CHL1: variants seen among roughly 807,000 people sequenced by gnomAD.
CHL1 encodes the protein cell adhesion molecule L1 like.
Under a neutral mutation model 141.9 loss-of-function variants are expected in CHL1, and 96 were observed. The observed-to-expected ratio is 0.68, with a 90% CI of 0.57 to 0.80. The LOEUF (loss-of-function observed/expected upper bound fraction) is 0.80. Among genes scored for constraint, CHL1 ranks in the 30% least tolerant of loss-of-function variants. The pLI, the probability that CHL1 is intolerant of heterozygous loss-of-function variation, is 0.00. For synonymous variants in CHL1, 613 were observed against 502.2 expected (o/e 1.22, Z -2.95); for missense variants, 1,820 against 1,457.2 (o/e 1.25, Z -4.05).
intron 2 of CHL1, among the ~76,000 whole-genome samples, chr3:274,722 G>A (rs11926288): frequency 0.026 from 4,021 of 152,296 alleles, 175 homozygotes; most frequent in African/African-American, 0.089. Context: ...GTCATCTACA[G>A]TTGGATAACT....
intron 2 of CHL1, among the ~76,000 whole-genome samples, chr3:255,979 C>A (rs1162132209): frequency 6.6e-6 from 1 of 152,218 alleles, no homozygotes; most frequent in Non-Finnish European, 1.5e-5. Context: ...TACTTCCACA[C>A]TTTCAACTTT....
rs925877053 is a variant in CHL1 at position 360,352 on chromosome 3, A to G, written c.1234A>G (p.Thr412Ala). 2.5e-6 allele frequency: 4 copies of G among 1,613,674 alleles called. No individual in the cohort carries two copies. The African/African-American group carries it at 5.3e-5, about 22-fold the overall frequency. The change falls in exon 12 of 28, where the codon ACT (threonine) becomes GCT (alanine). Residue 412 changes from threonine (T) to alanine (A), a missense_variant. Transcript: ENST00000256509. ...TTTTACCAACCTTCAACCAAATCAT[A>G]CTGCTGTGTACCAGTGTGAAGCCTC... is the stretch of plus-strand genomic sequence containing the variant. ...ISFTNLQPNH[T>A]AVYQCEASNV...
intron 23 of CHL1, among the ~76,000 whole-genome samples, chr3:393,103 G>T (rs11710157): frequency 0.87 from 131,665 of 151,840 alleles, 59,505 homozygotes; most frequent in East Asian, 1. Context: ...CGTGGTGGTG[G>T]GCCCCTGTAG....
intron 2 of CHL1, among the ~76,000 whole-genome samples, chr3:312,787 G>A (rs1190952179): frequency 6.6e-6 from 1 of 152,146 alleles, no homozygotes; most frequent in Non-Finnish European, 1.5e-5. Flanking sequence ...TTATCATGGA[G>A]AGAAAAGAAA....
At chr3:207,023 G>A (rs899284889) in intron 1 of CHL1, among the ~76,000 whole-genome samples, 1 of 152,104 alleles carries the variant, frequency 6.6e-6, no homozygotes, top group Admixed American at 6.5e-5. Context: ...AAATGACACC[G>A]ATCATAATGA....
At chr3:346,798 C>T (rs946807615) in intron 9 of CHL1, among the ~76,000 whole-genome samples, 7 of 152,050 alleles carry the variant, frequency 4.6e-5, no homozygotes, top group Non-Finnish European at 8.8e-5. Flanking sequence ...AAAACTCTTT[C>T]TAAGAAGTTT....
At position 221,011 on chromosome 3, in the gene CHL1, G is replaced by A. The variant is rs556449802; in HGVS notation, c.-174-23602G>A. ...CTTAACCAAGACACTCCCTTCTATC[G>A]ATTCCAGGTCTTTAGATAAACTCCT... On this transcript the variant is annotated intron_variant, in intron 1 of 27. Coordinates refer to ENST00000256509, the MANE Select transcript of CHL1 (RefSeq NM_006614.4). 4.6e-5 allele frequency among the ~76,000 whole-genome samples: 7 copies of A among 152,156 alleles called. No homozygotes were observed. The South Asian group carries it at 1.5e-3, about 32-fold the overall frequency.
chr3:358,975 A>G (rs1045928076), intron 11 of CHL1, among the ~76,000 whole-genome samples: 3 of 146,680 alleles, frequency 2.0e-5, no homozygotes, highest in African/African-American at 7.4e-5. Flanking sequence ...AATATATGTT[A>G]TATATATATA....
intron 2 of CHL1, among the ~76,000 whole-genome samples, chr3:311,938 C>A (rs1699784920): frequency 6.6e-6 from 1 of 152,112 alleles, no homozygotes; most frequent in Admixed American, 6.5e-5. Context: ...CCATGAATTT[C>A]CGTAATTTTC....
intron 5 of CHL1, among the ~76,000 whole-genome samples, chr3:336,846 T>G (rs553360544): frequency 1.4e-4 from 21 of 152,248 alleles, no homozygotes; most frequent in Non-Finnish European, 2.2e-4. Flanking sequence ...ATTTTGTATC[T>G]GCAGGTTGGT....
intron 2 of CHL1, among the ~76,000 whole-genome samples, chr3:314,384 A>G (rs182070842): frequency 1.6e-4 from 20 of 122,270 alleles, no homozygotes; most frequent in Admixed American, 3.8e-4. Flanking sequence ...CTTCAGCAAT[A>G]TTCATTATTG....
At chr3:398,916 T>C (rs1224998443) in intron 25 of CHL1, 101 bp from the exon 26 acceptor site, 3 of 1,082,046 alleles carry the variant, frequency 2.8e-6, no homozygotes, top group Non-Finnish European at 4.1e-6. Flanking sequence ...AAACTGATAC[T>C]ATTTGGTATG....
At chr3:366,839 A>G (rs1024685278) in intron 15 of CHL1, among the ~76,000 whole-genome samples, 1 of 152,194 alleles carries the variant, frequency 6.6e-6, no homozygotes, top group Non-Finnish European at 1.5e-5. Context: ...ACTACTCGTG[A>G]GTCCTGCCAC....
chr3:257,434 A>T (rs570878720), intron 2 of CHL1, among the ~76,000 whole-genome samples: 2 of 150,660 alleles, frequency 1.3e-5, no homozygotes, highest in South Asian at 4.2e-4. Context: ...GCTCACTGCA[A>T]CCTCCGCCTC....
chr3:207,868 C>A (rs1699574508), intron 1 of CHL1, among the ~76,000 whole-genome samples: 1 of 152,100 alleles, frequency 6.6e-6, no homozygotes, highest in Admixed American at 6.5e-5. Flanking sequence ...ATTTTGAACA[C>A]AATTGATTTG....
chr3:365,899 C>A, intron 14 of CHL1, 51 bp from the exon 15 acceptor site: 1 of 1,495,196 alleles, frequency 6.7e-7, no homozygotes, highest in Non-Finnish European at 9.2e-7. Flanking sequence ...CACTTAATAA[C>A]AAAGTAAGTT....
intron 1 of CHL1, among the ~76,000 whole-genome samples, chr3:219,249 G>T: frequency 6.6e-6 from 1 of 152,114 alleles, no homozygotes; most frequent in East Asian, 1.9e-4. Context: ...GTCAACCGTT[G>T]TAGAAGACAG....
chr3:382,117 T>A, intron 16 of CHL1, 62 bp from the exon 17 acceptor site: 3 of 1,441,336 alleles, frequency 2.1e-6, no homozygotes, highest in Non-Finnish European at 2.9e-6. Context: ...GCAATGTGTC[T>A]GAGGAAGGGA....
Position 391,179 on chromosome 3 carries a change from G to C in CHL1, c.2791+20G>C. Reference sequence around the variant, plus strand: ...AAGGAGGTGAGAGGATAATGATGTAGAGTCATGTCAAAAATGGAGGTGATC... The same window carrying C: ...AAGGAGGTGAGAGGATAATGATGTACAGTCATGTCAAAAATGGAGGTGATC... On this transcript the variant is annotated intron_variant, in intron 22 of 27. Transcript: ENST00000256509. 6.4e-7 allele frequency: 1 copy of C among 1,567,386 alleles called. No homozygotes were observed. Among genetic ancestry groups the C allele is most frequent in the Admixed American group, 1.7e-5 (1 of 59,704 alleles).
Sources: gnomAD v4.1 joint callset for allele counts (sites outside exome capture counted in the v4.1 genomes callset) on GRCh38, gnomAD v4.1.1 for gene constraint, MANE v1.5 for transcripts, NCBI Gene and HGNC (gene_info 2026-07-23, HGNC 2026-07-21) for gene names.